Variants in ZNF407 observed in about 807,000 individuals in gnomAD.
ZNF407 encodes zinc finger protein 407.
ZNF407 carries 17 observed loss-of-function variants against 131.2 expected under a neutral mutation model. The observed-to-expected ratio is 0.13, with a 90% CI of 0.09 to 0.19. ZNF407 has a LOEUF of 0.19. Among genes scored for constraint, ZNF407 ranks in the 10% least tolerant of loss-of-function variants. The probability of loss-of-function intolerance (pLI) is 1.00; values close to 1 mark genes in which losing one functional copy is unlikely to be tolerated. For missense variants in ZNF407, 2,681 were observed against 2,830.6 expected (o/e 0.95, Z 1.20); for synonymous variants, 1,156 against 1,062.0 (o/e 1.09, Z -1.72).
chr18:74,910,133 T>C (rs1330380083), intron 7 of ZNF407, among the ~76,000 whole-genome samples: 1 of 152,248 alleles, frequency 6.6e-6, no homozygotes, highest in East Asian at 1.9e-4. Flanking sequence ...ATATGCTGTA[T>C]CTCAAACTGA....
At chr18:74,949,726 T>G (rs1972192428) in intron 8 of ZNF407, among the ~76,000 whole-genome samples, 1 of 152,108 alleles carries the variant, frequency 6.6e-6, no homozygotes, top group South Asian at 2.1e-4. Flanking sequence ...TTGGGGGTGC[T>G]TCTGTGGATA....
rs780138845 is a variant in ZNF407 at position 74,813,212 on chromosome 18, TGG to T, written c.4877+31711_4877+31712del. The stretch of plus-strand genomic sequence containing the variant: ...GTTTTAGTAAGACTTGGTCCCTGTG[TGG>T]TTTGTCCCTGTGGACATCCTGTGTT... On this transcript the variant is annotated intron_variant, in intron 4 of 8. Coordinates refer to ENST00000299687, the MANE Select transcript of ZNF407 (RefSeq NM_017757.3). 3.7e-3 allele frequency among the ~76,000 whole-genome samples: 565 copies of T among 152,280 alleles called. 1 individual carries two copies. The highest frequency in any genetic ancestry group is 4.4e-3 in the Non-Finnish European group (302 of 68,012).
intron 3 of ZNF407, among the ~76,000 whole-genome samples, chr18:74,644,902 G>A (rs1450442604): frequency 6.6e-6 from 1 of 151,566 alleles, no homozygotes; most frequent in Non-Finnish European, 1.5e-5. Context: ...TTCACTGCAT[G>A]TAGGAAATGT....
At chr18:74,768,482 A>G (rs189470603) in intron 3 of ZNF407, among the ~76,000 whole-genome samples, 67 of 152,350 alleles carry the variant, frequency 4.4e-4, no homozygotes, top group Non-Finnish European at 7.1e-4. Flanking sequence ...ATTCCTTGAC[A>G]GGAACACCCT....
chr18:75,037,749 C>T (rs1401624316), intron 8 of ZNF407, among the ~76,000 whole-genome samples: 2 of 152,202 alleles, frequency 1.3e-5, no homozygotes, highest in Non-Finnish European at 2.9e-5. Flanking sequence ...AGACTGCGAT[C>T]TGTGCCTTGA....
chr18:74,804,764 G>A (rs947491530), intron 4 of ZNF407: 8 of 312,540 alleles, frequency 2.6e-5, no homozygotes, highest in Non-Finnish European at 3.3e-5. Context: ...ATATTACTTA[G>A]GAAAAAATTT....
chr18:74,940,882 A>G (rs118162167), intron 8 of ZNF407, among the ~76,000 whole-genome samples: 2,172 of 152,268 alleles, frequency 0.014, 22 homozygotes, highest in Non-Finnish European at 0.024. Flanking sequence ...GGGGGAGCTC[A>G]TAGTTCTTGG....
Position 74,975,775 on chromosome 18 carries a change from A to G in ZNF407, c.5428+55083A>G, listed in dbSNP as rs542831541. Among the ~76,000 whole-genome samples, 14 of 152,318 alleles carry G rather than the reference A, an allele frequency of 9.2e-5. No homozygotes were observed. The South Asian group carries it at 2.9e-3, about 32-fold the overall frequency. On this transcript the variant is annotated intron_variant, in intron 8 of 8. Transcript: ENST00000299687. ...GGGGTCTTTGGGACATGATAATGGG[A>G]TAACATACAGTATCTGTTTTAGTAA... is the stretch of plus-strand genomic sequence containing the variant.
At chr18:75,025,154 A>G (rs1973156965) in intron 8 of ZNF407, among the ~76,000 whole-genome samples, 1 of 152,222 alleles carries the variant, frequency 6.6e-6, no homozygotes. Context: ...TCAATATGGA[A>G]TGCACAAATT....
chr18:74,810,667 G>C (rs988776408), intron 4 of ZNF407, among the ~76,000 whole-genome samples: 4 of 152,024 alleles, frequency 2.6e-5, no homozygotes, highest in Admixed American at 6.6e-5. Context: ...TTGCCTCATA[G>C]TTAGTTTTTA....
At chr18:74,625,820 A>T (rs1410745795) in intron 1 of ZNF407, among the ~76,000 whole-genome samples, 1 of 152,230 alleles carries the variant, frequency 6.6e-6, no homozygotes, top group African/African-American at 2.4e-5. Context: ...CTAGTACCTT[A>T]CAAGTGCTTG....
chr18:75,050,235 CT>C (rs1973483933), intron 8 of ZNF407, among the ~76,000 whole-genome samples: 1 of 151,994 alleles, frequency 6.6e-6, no homozygotes, highest in African/African-American at 2.4e-5. Context: ...TGAGCCCTTC[CT>C]GTGTGTCAAG....
chr18:74,934,960 C>T (rs1438911402), intron 8 of ZNF407, among the ~76,000 whole-genome samples: 2 of 152,076 alleles, frequency 1.3e-5, no homozygotes, highest in Non-Finnish European at 2.9e-5. Context: ...TACTCTATGT[C>T]ATTTATATTC....
rs9807299 is a variant in ZNF407 at position 74,911,771 on chromosome 18, C to T, written c.5250-8743C>T. ...AAAATACGCATTCTAAAATAGTGAGCGATCACTCCATGCTGTCAAGTGGTT... is the reference window on the plus strand; with the variant it reads ...AAAATACGCATTCTAAAATAGTGAGTGATCACTCCATGCTGTCAAGTGGTT... On this transcript the variant is annotated intron_variant, in intron 7 of 8. Coordinates refer to ENST00000299687, the MANE Select transcript of ZNF407 (RefSeq NM_017757.3). Among the ~76,000 whole-genome samples the T allele has an allele frequency of 8.6e-3, 1,306 of 152,192 alleles. 22 individuals are homozygous for T. Among genetic ancestry groups the T allele is most frequent in the African/African-American group, 0.029 (1,216 of 41,518 alleles).
rs1263283104 is a variant in ZNF407, at chr18:74,860,768, C to T, written c.4878-16429C>T. ...TCAGCATTCTTTCATCTCAGTGTTA[C>T]GGTTTTTTAGGACTGTGATAAGTCA... On this transcript the variant is annotated intron_variant, in intron 4 of 8. Transcript: ENST00000299687. Among the ~76,000 whole-genome samples the T allele has an allele frequency of 8.6e-5, 13 of 152,008 alleles. No homozygotes were observed. In the East Asian group the frequency reaches 1.4e-3, roughly 16 times the overall value.
At chr18:74,682,052 G>A (rs1215201838) in intron 3 of ZNF407, among the ~76,000 whole-genome samples, 1 of 152,160 alleles carries the variant, frequency 6.6e-6, no homozygotes, top group Non-Finnish European at 1.5e-5. Flanking sequence ...AAGATTATGA[G>A]CCCTTTATTA....
chr18:74,914,092 A>C (rs1599238665), intron 7 of ZNF407, among the ~76,000 whole-genome samples: 1 of 152,186 alleles, frequency 6.6e-6, no homozygotes, highest in Non-Finnish European at 1.5e-5. Flanking sequence ...TGCCTTTTCC[A>C]TGAAAGCGAT....
At chr18:74,706,338 G>A (rs938844064) in intron 3 of ZNF407, among the ~76,000 whole-genome samples, 2 of 152,114 alleles carry the variant, frequency 1.3e-5, no homozygotes, top group African/African-American at 4.8e-5. Context: ...GAGAAATGTT[G>A]TATTCATTGT....
intron 8 of ZNF407, among the ~76,000 whole-genome samples, chr18:74,981,191 G>T (rs999296708): frequency 6.6e-6 from 1 of 152,216 alleles, no homozygotes; most frequent in Non-Finnish European, 1.5e-5. Context: ...ACGCCCAAGG[G>T]CACAGAACAG....
Sources: gnomAD v4.1 joint callset for allele counts (sites outside exome capture counted in the v4.1 genomes callset) on GRCh38, gnomAD v4.1.1 for gene constraint, MANE v1.5 for transcripts, NCBI Gene and HGNC (gene_info 2026-07-23, HGNC 2026-07-21) for gene names.